Variants in CCDC91 observed in about 807,000 individuals in gnomAD.
The protein encoded by CCDC91 is coiled-coil domain-containing protein 91.
CCDC91 carries 48 observed loss-of-function variants against 63.2 expected under a neutral mutation model. The ratio of observed to expected loss-of-function variants is 0.76; its 90% confidence interval spans 0.60 to 0.97. CCDC91 has a LOEUF of 0.97. Among genes scored for constraint, CCDC91 ranks in the 50% least tolerant of loss-of-function variants. The pLI is 0.00. For synonymous variants in CCDC91, 167 were observed against 165.8 expected (o/e 1.01, Z -0.06); for missense variants, 500 against 494.6 (o/e 1.01, Z -0.10).
At position 28,452,498 on chromosome 12, in the gene CCDC91, G is replaced by T; in HGVS notation, c.945G>T (p.Lys315Asn). Residue 315 changes from lysine to asparagine, a missense_variant, in exon 11 of 13, where the codon AAG becomes AAT. Transcript: ENST00000536442. ...TGAAGCTTGAAAAAGAAGCAGTGAAGGATGCAGTTTTAAAAGTCGTAGAAG... is the reference window on the plus strand; with the variant it reads ...TGAAGCTTGAAAAAGAAGCAGTGAATGATGCAGTTTTAAAAGTCGTAGAAG... Reference protein sequence around the residue: ...SAAKLEKEAVKDAVLKVVEEE... With the variant: ...SAAKLEKEAVNDAVLKVVEEE... 1 of 1,570,666 alleles carries T rather than the reference G, an allele frequency of 6.4e-7. No homozygotes were observed. Among genetic ancestry groups the T allele is most frequent in the Non-Finnish European group, 8.6e-7 (1 of 1,158,956 alleles).
At chr12:28,363,522 A>G (rs1316875084) in intron 7 of CCDC91, among the ~76,000 whole-genome samples, 1 of 152,192 alleles carries the variant, frequency 6.6e-6, no homozygotes, top group Non-Finnish European at 1.5e-5. Context: ...GTTGTTGATT[A>G]AACTTCCTCA....
At chr12:28,439,415 G>C (rs1949067396) in intron 8 of CCDC91, among the ~76,000 whole-genome samples, 1 of 152,064 alleles carries the variant, frequency 6.6e-6, no homozygotes, top group East Asian at 1.9e-4. Context: ...GCGTATTTAC[G>C]AGTGTGTTTA....
At chr12:28,543,533 C>T (rs956161512) in intron 12 of CCDC91, among the ~76,000 whole-genome samples, 4 of 152,042 alleles carry the variant, frequency 2.6e-5, no homozygotes, top group African/African-American at 9.7e-5. Context: ...ACTAAGAACC[C>T]ATGACTGTAT....
At chr12:28,470,804 C>G (rs994204886) in intron 11 of CCDC91, among the ~76,000 whole-genome samples, 4 of 152,030 alleles carry the variant, frequency 2.6e-5, no homozygotes, top group African/African-American at 9.7e-5. Flanking sequence ...AACTGGAGTT[C>G]CTAATGTGAA....
chr12:28,528,401 C>T (rs1213877899), intron 12 of CCDC91, among the ~76,000 whole-genome samples: 2 of 152,146 alleles, frequency 1.3e-5, no homozygotes, highest in East Asian at 1.9e-4. Context: ...GCTTCAGGTT[C>T]CCCAGTGTGG....
chr12:28,269,664 T>A (rs12818507), intron 3 of CCDC91, among the ~76,000 whole-genome samples: 1,635 of 152,268 alleles, frequency 0.011, 14 homozygotes, highest in Non-Finnish European at 0.018. Context: ...AGTTTAGAAA[T>A]GTGTAGGATT....
chr12:28,474,489 A>G (rs1308513228), intron 11 of CCDC91, among the ~76,000 whole-genome samples: 1 of 152,100 alleles, frequency 6.6e-6, no homozygotes, highest in Non-Finnish European at 1.5e-5. Flanking sequence ...TTGGTAGTAG[A>G]TTGCTGATCC....
At chr12:28,252,743 T>A (rs1051428501) in intron 1 of CCDC91, among the ~76,000 whole-genome samples, 1 of 152,168 alleles carries the variant, frequency 6.6e-6, no homozygotes, top group African/African-American at 2.4e-5. Context: ...GTTTGGTCTC[T>A]ATTTTTTTCT....
At chr12:28,250,673 A>G (rs1946062346) in intron 1 of CCDC91, among the ~76,000 whole-genome samples, 1 of 152,124 alleles carries the variant, frequency 6.6e-6, no homozygotes, top group Non-Finnish European at 1.5e-5. Context: ...ACTATTAGCA[A>G]CTAATTTGCT....
intron 11 of CCDC91, among the ~76,000 whole-genome samples, chr12:28,478,132 A>C (rs866766909): frequency 4.6e-4 from 70 of 152,300 alleles, no homozygotes; most frequent in African/African-American, 1.4e-3. Flanking sequence ...ATATGGAACC[A>C]AAAAAGAGCC....
chr12:28,338,810 T>C (rs1223993542), intron 6 of CCDC91, among the ~76,000 whole-genome samples: 1 of 151,742 alleles, frequency 6.6e-6, no homozygotes, highest in Non-Finnish European at 1.5e-5. Flanking sequence ...TAAAAAGTGG[T>C]TGTATTCTGG....
chr12:28,351,019 C>T (rs893903458), intron 6 of CCDC91, among the ~76,000 whole-genome samples: 1 of 152,138 alleles, frequency 6.6e-6, no homozygotes, highest in African/African-American at 2.4e-5. Flanking sequence ...AATCTGTTAC[C>T]GTGTTCTTCC....
At chr12:28,406,582 A>G (rs1028168940) in intron 8 of CCDC91, among the ~76,000 whole-genome samples, 3 of 151,686 alleles carry the variant, frequency 2.0e-5, no homozygotes, top group African/African-American at 7.3e-5. Flanking sequence ...TTGTCTTTTT[A>G]TTTTCCTGAT....
At chr12:28,398,564 A>G (rs117390529) in intron 8 of CCDC91, among the ~76,000 whole-genome samples, 3,451 of 152,230 alleles carry the variant, frequency 0.023, 48 homozygotes, top group Non-Finnish European at 0.037. Context: ...TGGTAAGTAT[A>G]TGTTTAACTT....
chr12:28,436,163 T>C (rs1948894387), intron 8 of CCDC91, among the ~76,000 whole-genome samples: 1 of 151,860 alleles, frequency 6.6e-6, no homozygotes. Context: ...CTTTTTTTCC[T>C]AATTTTGTCT....
chr12:28,479,853 G>C (rs1476226956), intron 11 of CCDC91, among the ~76,000 whole-genome samples: 1 of 151,972 alleles, frequency 6.6e-6, no homozygotes, highest in Admixed American at 6.6e-5. Flanking sequence ...TAATGAGCTA[G>C]CCTATTTACT....
chr12:28,488,376 C>T (rs1053252169), intron 12 of CCDC91, among the ~76,000 whole-genome samples: 7 of 151,366 alleles, frequency 4.6e-5, no homozygotes, highest in African/African-American at 7.3e-5. Flanking sequence ...AATATTAGTC[C>T]GAGTCATAAT....
intron 5 of CCDC91, among the ~76,000 whole-genome samples, chr12:28,307,435 A>G (rs1396826603): frequency 6.6e-6 from 1 of 151,944 alleles, no homozygotes; most frequent in East Asian, 1.9e-4. Context: ...GCTCATATTC[A>G]TTTGTTGGAA....
intron 5 of CCDC91, 34 bp downstream of exon 5, chr12:28,306,979 T>A (rs928385375): frequency 1.0e-5 from 14 of 1,341,238 alleles, no homozygotes; most frequent in Non-Finnish European, 1.4e-5. Context: ...ATGTTTGAAT[T>A]GCAAATATTA....
Sources: gnomAD v4.1 joint callset for allele counts (sites outside exome capture counted in the v4.1 genomes callset) on GRCh38, gnomAD v4.1.1 for gene constraint, MANE v1.5 for transcripts, NCBI Gene and HGNC (gene_info 2026-07-23, HGNC 2026-07-21) for gene names.